Variants in PPEF2 observed in about 807,000 individuals in gnomAD.
PPEF2 encodes protein phosphatase with EF-hand domain 2, also known as serine/threonine-protein phosphatase with EF-hands 2.
PPEF2 carries 84 observed loss-of-function variants against 84.7 expected under a neutral mutation model. That is an observed-to-expected ratio of 0.99 (90% CI 0.83 to 1.19). The LOEUF (loss-of-function observed/expected upper bound fraction) is 1.19. Ranked by LOEUF, PPEF2 falls within the 50% of genes most tolerant of loss-of-function variation. The probability of loss-of-function intolerance (pLI) is 0.00; values close to 1 mark genes in which losing one functional copy is unlikely to be tolerated. For synonymous variants in PPEF2, 346 were observed against 345.2 expected (o/e 1.00, Z -0.03); for missense variants, 924 against 937.5 (o/e 0.99, Z 0.19).
chr4:75,866,533 T>C (rs1264046622), intron 14 of PPEF2, 181 bp from the exon 15 acceptor site: 1 of 734,936 alleles, frequency 1.4e-6, no homozygotes, highest in Non-Finnish European at 2.4e-6. Context: ...CCAGATAAAA[T>C]ACAAGATGTC....
At position 75,872,077 on chromosome 4, in the gene PPEF2, T is replaced by C. The variant is rs372081041; in HGVS notation, c.1597A>G (p.Ile533Val). Reference protein sequence around the residue: ...VKLGPALTPHIVQYQANKVTH... With the variant: ...VKLGPALTPHVVQYQANKVTH... The stretch of plus-strand genomic sequence containing the variant: ...ACCTTGTTAGCTTGATACTGCACAA[T>C]ATGTGGGGTCAGGGCTGGCCCCAGT... Residue 533 changes from isoleucine to valine, a missense_variant, in exon 13 of 17, where the codon ATT (isoleucine) becomes GTT (valine). Coordinates refer to ENST00000286719, the MANE Select transcript of PPEF2 (RefSeq NM_006239.3). 10 of 1,613,500 alleles carry C rather than the reference T, an allele frequency of 6.2e-6. No individual in the cohort carries two copies. Among genetic ancestry groups the C allele is most frequent in the African/African-American group, 2.7e-5 (2 of 74,890 alleles).
intron 5 of PPEF2, among the ~76,000 whole-genome samples, chr4:75,889,428 C>T (rs113341534): frequency 0.019 from 2,817 of 152,258 alleles, 54 homozygotes; most frequent in Admixed American, 0.062. Flanking sequence ...ACCTGGAACG[C>T]TCTTTCTCCG....
At position 75,872,038 on chromosome 4, in the gene PPEF2, T is replaced by C; in HGVS notation, c.1636A>G (p.Thr546Ala). The change falls in exon 13 of 17, where the codon ACC (threonine) becomes GCC (alanine). Residue 546 changes from threonine (T) to alanine (A), a missense_variant. Physicochemically the swap from Thr to Ala is moderately conservative, Grantham distance 58 (BLOSUM62 0). Transcript: ENST00000286719. ...GAAAAGTCTTGCCTTTGCCTCATGG[T>C]GAGTGTGTGGGTCACCTTGTTAGCT... ...YQANKVTHTL[T>A]MRQRISRVEE... 6.3e-7 allele frequency: 1 copy of C among 1,597,810 alleles called. No individual in the cohort carries two copies. Among genetic ancestry groups the C allele is most frequent in the Non-Finnish European group, 8.5e-7 (1 of 1,175,160 alleles).
In PPEF2 at chr4:75,896,797, G is replaced by A. The variant is rs185067837; in HGVS notation, c.-58-414C>T. 9.5e-4 allele frequency among the ~76,000 whole-genome samples: 144 copies of A among 152,166 alleles called. 1 individual carries two copies. Among genetic ancestry groups the A allele is most frequent in the African/African-American group, 3.3e-3 (137 of 41,496 alleles). On this transcript the variant is annotated intron_variant, in intron 1 of 16. Transcript: ENST00000286719. ...CTCACTATTGATCAAAGCCTTTCCT[G>A]ATGCCTCTAATGTCTTCATCTTTTC...
At chr4:75,877,234 G>A (rs1488088156) in intron 10 of PPEF2, among the ~76,000 whole-genome samples, 1 of 151,980 alleles carries the variant, frequency 6.6e-6, no homozygotes, top group Non-Finnish European at 1.5e-5. Flanking sequence ...CTACTTGGGA[G>A]GCTGAGGCAG....
At chr4:75,862,032 C>T (rs1294927757) in intron 16 of PPEF2, among the ~76,000 whole-genome samples, 3 of 151,350 alleles carry the variant, frequency 2.0e-5, no homozygotes, top group East Asian at 2.0e-4. Flanking sequence ...CAGTGGCTCA[C>T]GCCTGTAATC....
chr4:75,867,546 G>A, intron 13 of PPEF2, 127 bp from the exon 14 acceptor site: 1 of 642,502 alleles, frequency 1.6e-6, no homozygotes, highest in Non-Finnish European at 2.7e-6. Flanking sequence ...TTTCGAGGGA[G>A]AGCGCCTTTA....
At position 75,877,743 on chromosome 4, in the gene PPEF2, TCA is replaced by T. The variant is rs1724466648; in HGVS notation, c.934-1072_934-1071del. On this transcript the variant is annotated intron_variant, in intron 10 of 16. Transcript: ENST00000286719. ...GGTTTTTTACATAGGTACACACATG[TCA>T]CAGGGGGTTGTTTTACATATTATTT... 2.6e-5 allele frequency among the ~76,000 whole-genome samples: 4 copies of T among 152,262 alleles called. No individual in the cohort carries two copies. The South Asian group carries it at 8.3e-4, about 32-fold the overall frequency.
chr4:75,871,877 T>G (rs1171587845), intron 13 of PPEF2, 148 bp downstream of exon 13: 1 of 759,004 alleles, frequency 1.3e-6, no homozygotes, highest in Non-Finnish European at 2.0e-6. Flanking sequence ...CTCTAATGTC[T>G]ATTGTATTAA....
At chr4:75,868,315 C>CAA (rs10646136) in intron 13 of PPEF2, among the ~76,000 whole-genome samples, 3,385 of 55,698 alleles carry the variant, frequency 0.061, 458 homozygotes, top group African/African-American at 0.21. Context: ...GACCCTGTCT[C>CAA]AAAAAAAAAA....
intron 10 of PPEF2, among the ~76,000 whole-genome samples, chr4:75,878,943 C>T (rs1724497370): frequency 6.6e-6 from 1 of 152,158 alleles, no homozygotes; most frequent in Non-Finnish European, 1.5e-5. Context: ...AATAAGCAGA[C>T]CCTCCTTGTT....
Position 75,876,586 on chromosome 4 carries a change from G to T in PPEF2, c.1021C>A (p.Gln341Lys). The stretch of plus-strand genomic sequence containing the variant: ...GGGAGAAACCATGGGATGGGTCCCT[G>T]TGCAGAGCTCTTCTGGTTGGCTCTT... ...KRRANQKSSA[Q>K]GPIPWFLPES... The change falls in exon 11 of 17, where the codon CAG (glutamine) becomes AAG (lysine). Residue 341 changes from glutamine to lysine, a missense_variant. Coordinates refer to ENST00000286719, the MANE Select transcript of PPEF2 (RefSeq NM_006239.3). The T allele has an allele frequency of 6.2e-7, 1 of 1,613,450 alleles. No homozygotes were observed. Among genetic ancestry groups the T allele is most frequent in the Non-Finnish European group, 8.5e-7 (1 of 1,179,664 alleles).
chr4:75,877,062 C>T (rs1227743783), intron 10 of PPEF2, among the ~76,000 whole-genome samples: 2 of 58,534 alleles, frequency 3.4e-5, no homozygotes, highest in East Asian at 8.2e-4. Flanking sequence ...AAGCCAGGTG[C>T]GGTGGCTCAC....
chr4:75,883,994 G>T (rs747611728), intron 8 of PPEF2, among the ~76,000 whole-genome samples: 2 of 152,054 alleles, frequency 1.3e-5, no homozygotes, highest in African/African-American at 4.8e-5. Context: ...TTAGCCGGGC[G>T]TGGTGGCAGG....
At position 75,872,081 on chromosome 4, in the gene PPEF2, T is replaced by C. The variant is rs1464671396; in HGVS notation, c.1593A>G (p.Pro531=). 6.2e-7 allele frequency: 1 copy of C among 1,613,928 alleles called. No homozygotes were observed. The highest frequency in any genetic ancestry group is 8.5e-7 in the Non-Finnish European group (1 of 1,179,846). ...TGTTAGCTTGATACTGCACAATATG[T>C]GGGGTCAGGGCTGGCCCCAGTTTGA... ...AYVKLGPALT[P]HIVQYQANKV... is the part of the protein sequence containing the mutation. Residue 531 remains proline (P), a synonymous_variant, in exon 13 of 17, where the codon CCA becomes CCG. Transcript: ENST00000286719.
At chr4:75,871,911 A>C in intron 13 of PPEF2, 114 bp downstream of exon 13, 1 of 1,228,962 alleles carries the variant, frequency 8.1e-7, no homozygotes, top group Non-Finnish European at 1.1e-6. Flanking sequence ...TGACATAGCC[A>C]AATTCTGAAT....
intron 16 of PPEF2, among the ~76,000 whole-genome samples, chr4:75,862,193 T>C (rs1304651206): frequency 6.7e-6 from 1 of 149,704 alleles, no homozygotes; most frequent in African/African-American, 2.5e-5. Context: ...CTCAGCAGGC[T>C]GAGGCAGAAG....
intron 16 of PPEF2, among the ~76,000 whole-genome samples, chr4:75,862,475 T>A (rs1199286214): frequency 6.6e-6 from 1 of 151,828 alleles, no homozygotes; most frequent in African/African-American, 2.4e-5. Flanking sequence ...TAGCCCAATT[T>A]AAAAATGGAC....
intron 14 of PPEF2, among the ~76,000 whole-genome samples, chr4:75,866,935 C>T (rs574793127): frequency 3.6e-4 from 55 of 152,234 alleles, no homozygotes; most frequent in African/African-American, 1.2e-3. Flanking sequence ...ACATTTTTAG[C>T]TTGGATAATA....
Sources: gnomAD v4.1 joint callset for allele counts (sites outside exome capture counted in the v4.1 genomes callset) on GRCh38, gnomAD v4.1.1 for gene constraint, MANE v1.5 for transcripts, NCBI Gene and HGNC (gene_info 2026-07-23, HGNC 2026-07-21) for gene names.